The following CELF2 variants were observed in gnomAD, a reference collection of about 807,000 sequenced individuals.
CELF2 encodes the protein CUGBP Elav-like family member 2, also known as CUG triplet repeat RNA-binding protein 2.
Under a neutral mutation model 62.6 loss-of-function variants are expected in CELF2, and 8 were observed. The ratio of observed to expected loss-of-function variants is 0.13; its 90% CI spans 0.07 to 0.23. CELF2 has a LOEUF of 0.23. CELF2 is among the 10% of genes least tolerant of loss of function. The pLI is 1.00. For missense variants in CELF2, 333 were observed against 671.0 expected (o/e 0.50, Z 5.56); for synonymous variants, 258 against 250.0 (o/e 1.03, Z -0.30).
At chr10:10,867,579 A>T (rs2060468478) in intron 1 of CELF2, among the ~76,000 whole-genome samples, 1 of 152,088 alleles carries the variant, frequency 6.6e-6, no homozygotes, top group Non-Finnish European at 1.5e-5. Flanking sequence ...CTTCATTTCT[A>T]TTATCAAGCC....
chr10:10,984,938 A>G (rs1319184272), intron 2 of CELF2, among the ~76,000 whole-genome samples: 1 of 152,116 alleles, frequency 6.6e-6, no homozygotes, highest in Non-Finnish European at 1.5e-5. Context: ...CCAGGGCAGT[A>G]AAGAAGAGAA....
intron 1 of CELF2, among the ~76,000 whole-genome samples, chr10:10,878,930 C>T (rs146124691): frequency 1.2e-4 from 19 of 152,252 alleles, no homozygotes; most frequent in African/African-American, 4.3e-4. Context: ...CCCTCAGATG[C>T]ATTGTCTATA....
At chr10:10,746,281 A>G in the CELF2 span, among the ~76,000 whole-genome samples, 3 of 152,238 alleles carry the variant, frequency 2.0e-5, no homozygotes, top group African/African-American at 7.2e-5. Flanking sequence ...AACATAGACA[A>G]TATTGACACA....
intron 1 of CELF2, among the ~76,000 whole-genome samples, chr10:11,006,777 C>T (rs1042211257): frequency 1.1e-4 from 16 of 152,322 alleles, no homozygotes; most frequent in Middle Eastern, 6.8e-3. Context: ...TTCAAGGTCT[C>T]TGTGGAATAT....
At chr10:10,826,444 A>G (rs1485216031) in intron 1 of CELF2, among the ~76,000 whole-genome samples, 1 of 152,254 alleles carries the variant, frequency 6.6e-6, no homozygotes, top group Non-Finnish European at 1.5e-5. Flanking sequence ...TGAATTTCAG[A>G]TAAGCAATAA....
At chr10:10,505,362 A>G in the CELF2 span, among the ~76,000 whole-genome samples, 1 of 152,114 alleles carries the variant, frequency 6.6e-6, no homozygotes, top group East Asian at 1.9e-4. Flanking sequence ...GGTAACCTCC[A>G]CTGACACCAT....
At chr10:10,831,966 C>T (rs1023525154) in intron 1 of CELF2, among the ~76,000 whole-genome samples, 2 of 150,756 alleles carry the variant, frequency 1.3e-5, no homozygotes, top group Non-Finnish European at 3.0e-5. Flanking sequence ...AGCGAGACTC[C>T]ATCTTGAAAA....
intron 8 of CELF2, among the ~76,000 whole-genome samples, chr10:11,286,498 G>A (rs1205341161): frequency 6.6e-6 from 1 of 152,198 alleles, no homozygotes; most frequent in Non-Finnish European, 1.5e-5. Context: ...CACAGCCTTG[G>A]TGCTCCCTCA....
chr10:10,846,720 C>T (rs2059037676), intron 1 of CELF2, among the ~76,000 whole-genome samples: 1 of 152,216 alleles, frequency 6.6e-6, no homozygotes, highest in African/African-American at 2.4e-5. Flanking sequence ...CAGAACGATG[C>T]CCTTGCAGCT....
At chr10:10,827,625 C>T (rs980723086) in intron 1 of CELF2, among the ~76,000 whole-genome samples, 20 of 152,162 alleles carry the variant, frequency 1.3e-4, no homozygotes, top group Non-Finnish European at 2.5e-4. Context: ...TATTCCCTAA[C>T]GTGTCACAGG....
At chr10:10,526,165 T>C in the CELF2 span, among the ~76,000 whole-genome samples, 1 of 152,258 alleles carries the variant, frequency 6.6e-6, no homozygotes, top group Admixed American at 6.5e-5. Context: ...ATAGACCTGT[T>C]AGATTTTTAT....
At chr10:10,669,899 C>CTT in the CELF2 span, among the ~76,000 whole-genome samples, 2 of 84,190 alleles carry the variant, frequency 2.4e-5, no homozygotes, top group African/African-American at 4.5e-5. Flanking sequence ...TCTTATATGC[C>CTT]TTTTTTTTTT....
At position 10,986,059 on chromosome 10, in the gene CELF2, T is replaced by C. The variant is rs567772685; in HGVS notation, c.89+66060T>C. On this transcript the variant is annotated intron_variant, in intron 2 of 13. Transcript: ENST00000636488. ...GGAATTTTAACCATTCATTTATCTA[T>C]TTGTCTCCCAAGCAACTTCTGAAAA... Among the ~76,000 whole-genome samples the C allele has an allele frequency of 4.7e-4, 72 of 152,340 alleles. 2 individuals carry two copies. Among genetic ancestry groups the C allele is most frequent in the African/African-American group, 1.6e-3 (68 of 41,584 alleles).
In CELF2 at chr10:10,957,344, A is replaced by G. The variant is rs1445506062; in HGVS notation, c.89+37345A>G. Among the ~76,000 whole-genome samples, 2 of 152,192 alleles carry G rather than the reference A, an allele frequency of 1.3e-5. No individual in the cohort carries two copies. Among genetic ancestry groups the G allele is most frequent in the South Asian group, 2.1e-4 (1 of 4,834 alleles). ...GATTGAATTAACATTCTCTTTGTGC[A>G]TGTGTCTCCTCTGGGATTCATTCGC... On this transcript the variant is annotated intron_variant, in intron 2 of 13. Transcript: ENST00000636488. This position sits in a 1 kb window ranked among gnomAD's most constrained non-coding sequence, Gnocchi z 4.1.
At chr10:10,987,121 G>C (rs936408017) in intron 2 of CELF2, among the ~76,000 whole-genome samples, 1 of 152,152 alleles carries the variant, frequency 6.6e-6, no homozygotes, top group Non-Finnish European at 1.5e-5. Context: ...ATGTCACAAG[G>C]TATTAAAGGA....
the CELF2 span, among the ~76,000 whole-genome samples, chr10:10,588,057 T>C: frequency 6.6e-6 from 1 of 151,878 alleles, no homozygotes; most frequent in Non-Finnish European, 1.5e-5. Context: ...GTCTTGAAGA[T>C]GAAGGCATGA....
intron 1 of CELF2, among the ~76,000 whole-genome samples, chr10:10,802,844 C>G (rs1021420593): frequency 6.6e-6 from 1 of 152,174 alleles, no homozygotes; most frequent in South Asian, 2.1e-4. Flanking sequence ...AGCTTTCAGA[C>G]AGCTCAGTCC....
chr10:10,572,036 G>A, the CELF2 span, among the ~76,000 whole-genome samples: 5,881 of 152,178 alleles, frequency 0.039, 359 homozygotes, highest in African/African-American at 0.13. Context: ...ATGTGGCCGT[G>A]GCCATGGAGA....
the CELF2 span, among the ~76,000 whole-genome samples, chr10:10,523,693 A>G: frequency 1.3e-5 from 2 of 152,186 alleles, no homozygotes; most frequent in African/African-American, 4.8e-5. Flanking sequence ...CTTATTGAAC[A>G]CATTTTCCAT....
Sources: gnomAD v4.1 joint callset for allele counts (sites outside exome capture counted in the v4.1 genomes callset) on GRCh38, gnomAD v4.1.1 for gene constraint, Gnocchi (gnomAD v3.1) non-coding constraint, MANE v1.5 for transcripts, NCBI Gene and HGNC (gene_info 2026-07-23, HGNC 2026-07-21) for gene names.